The following PTPRO variants were observed in gnomAD, a reference collection of about 807,000 sequenced individuals.
The protein encoded by PTPRO is protein tyrosine phosphatase receptor type O.
PTPRO carries 62 observed loss-of-function variants against 145.2 expected under a neutral mutation model. The observed-to-expected ratio is 0.43, with a 90% CI of 0.35 to 0.53. The LOEUF (loss-of-function observed/expected upper bound fraction) is 0.53, where lower values mean the gene tolerates loss of function less well. Among genes scored for constraint, PTPRO ranks in the 20% least tolerant of loss-of-function variants. The probability of loss-of-function intolerance (pLI) is 0.01; values close to 1 mark genes in which losing one functional copy is unlikely to be tolerated. For missense variants in PTPRO, 1,345 were observed against 1,482.7 expected (o/e 0.91, Z 1.53); for synonymous variants, 565 against 514.7 (o/e 1.10, Z -1.32).
intron 15 of PTPRO, among the ~76,000 whole-genome samples, chr12:15,552,795 C>CTTTTTTTTTTTTTTTTTTTTTTT (rs747379253): frequency 1.1e-5 from 1 of 91,548 alleles, no homozygotes. Flanking sequence ...GAGGTCAAAT[C>CTTTTTTTTTTTTTTTTTTTTTTT]TTTTTTTTTT....
At chr12:15,462,231 T>G (rs935634175) in intron 1 of PTPRO, among the ~76,000 whole-genome samples, 2 of 152,172 alleles carry the variant, frequency 1.3e-5, no homozygotes, top group African/African-American at 4.8e-5. Context: ...TTCAAGTGGT[T>G]CTCCTGCCTC....
chr12:15,334,009 T>G (rs1866685038), intron 1 of PTPRO, among the ~76,000 whole-genome samples: 1 of 152,204 alleles, frequency 6.6e-6, no homozygotes, highest in African/African-American at 2.4e-5. Flanking sequence ...TTATCTTGGC[T>G]CTACGGTTTG....
At chr12:15,515,997 T>G (rs1202822807) in intron 8 of PTPRO, among the ~76,000 whole-genome samples, 17 of 140,188 alleles carry the variant, frequency 1.2e-4, no homozygotes, top group African/African-American at 2.4e-4. Flanking sequence ...GTTTTGTTTT[T>G]TTTTTTTTTT....
chr12:15,385,406 G>A (rs1007600366), intron 1 of PTPRO, among the ~76,000 whole-genome samples: 2 of 152,140 alleles, frequency 1.3e-5, no homozygotes, highest in African/African-American at 2.4e-5. Context: ...TCGGACTGGA[G>A]ATCAAGTCAT....
At chr12:15,350,103 T>C (rs1003243384) in intron 1 of PTPRO, among the ~76,000 whole-genome samples, 1 of 152,218 alleles carries the variant, frequency 6.6e-6, no homozygotes, top group African/African-American at 2.4e-5. Flanking sequence ...TTTCATGGTC[T>C]GGAACCCTTC....
intron 7 of PTPRO, among the ~76,000 whole-genome samples, chr12:15,513,112 G>GAAAGAAAGAAAGAAGAAAGAAAGAAAGA (rs1565675360): frequency 1.1e-4 from 1 of 8,964 alleles, no homozygotes; most frequent in African/African-American, 2.3e-4. Context: ...AGAAAGAAAG[G>GAAAGAAAGAAAGAAGAAAGAAAGAAAGA]AAGGAAGGAA....
At chr12:15,327,215 A>G (rs887706991) in intron 1 of PTPRO, among the ~76,000 whole-genome samples, 5 of 152,234 alleles carry the variant, frequency 3.3e-5, no homozygotes, top group African/African-American at 1.2e-4. Flanking sequence ...TATTAAAACC[A>G]TAAATTAAAA....
rs11056472 is a variant in PTPRO at position 15,422,608 on chromosome 12, A to G, written c.76-61366A>G. Among the ~76,000 whole-genome samples the G allele has an allele frequency of 0.012, 1,903 of 152,274 alleles. 111 individuals are homozygous for G. The East Asian group carries it at 0.18, about 15-fold the overall frequency. On this transcript the variant is annotated intron_variant, in intron 1 of 26. Coordinates refer to ENST00000281171, the MANE Select transcript of PTPRO (RefSeq NM_030667.3). ...GTTCTCATTTTTCACAGAGGAAATT[A>G]GGGTTTAGATAGATAGGGGACTTGT...
At chr12:15,493,297 A>G (rs1942036049) in intron 2 of PTPRO, among the ~76,000 whole-genome samples, 1 of 151,970 alleles carries the variant, frequency 6.6e-6, no homozygotes, top group Non-Finnish European at 1.5e-5. Flanking sequence ...AAATCTTCTA[A>G]TATACAAACC....
At chr12:15,337,224 T>A (rs1482771992) in intron 1 of PTPRO, among the ~76,000 whole-genome samples, 2 of 152,120 alleles carry the variant, frequency 1.3e-5, no homozygotes, top group Non-Finnish European at 2.9e-5. Flanking sequence ...GATGATCTCA[T>A]TCCTCAGACT....
chr12:15,498,515 A>G (rs1460836565), intron 3 of PTPRO, among the ~76,000 whole-genome samples: 1 of 152,184 alleles, frequency 6.6e-6, no homozygotes, highest in Non-Finnish European at 1.5e-5. Context: ...CCTAAATCAC[A>G]TGACTGCACT....
At chr12:15,405,099 T>A (rs371777350) in intron 1 of PTPRO, among the ~76,000 whole-genome samples, 38 of 152,306 alleles carry the variant, frequency 2.5e-4, no homozygotes, top group African/African-American at 9.1e-4. Flanking sequence ...CCTCCAAATA[T>A]CATCACATGG....
chr12:15,587,179 A>C (rs1565447942), intron 24 of PTPRO, 128 bp downstream of exon 24: 1 of 1,041,336 alleles, frequency 9.6e-7, no homozygotes, highest in Middle Eastern at 2.9e-4. Flanking sequence ...TTTTTAAACT[A>C]TGATTAATTG....
In PTPRO at chr12:15,322,821, C is replaced by G. The variant is rs1866336582; in HGVS notation, c.75+20C>G. The G allele has an allele frequency of 6.2e-7, 1 of 1,608,602 alleles. No individual in the cohort carries two copies. The highest frequency in any genetic ancestry group is 1.1e-5 in the South Asian group (1 of 90,594). On this transcript the variant is annotated intron_variant, in intron 1 of 26. Coordinates refer to ENST00000281171, the MANE Select transcript of PTPRO (RefSeq NM_030667.3). The surrounding 1 kb of genome is among the most constrained non-coding windows in gnomAD (Gnocchi z 6.3). ...TTCAAGGTAGGGGAGCTCCTCCACC[C>G]CTTTTTCCCAGCGGTCCGGGCGGCA...
At chr12:15,345,482 A>G (rs988532163) in intron 1 of PTPRO, among the ~76,000 whole-genome samples, 33 of 152,154 alleles carry the variant, frequency 2.2e-4, no homozygotes, top group African/African-American at 8.0e-4. Flanking sequence ...GCTGGAAACC[A>G]TCATTCTCAA....
At chr12:15,497,515 T>A in intron 3 of PTPRO, 112 bp downstream of exon 3, 1 of 1,143,300 alleles carries the variant, frequency 8.7e-7, no homozygotes, top group Non-Finnish European at 1.3e-6. Flanking sequence ...CTATTTGACC[T>A]ATAAATGAGC....
At chr12:15,586,523 A>G (rs1452732747) in intron 23 of PTPRO, among the ~76,000 whole-genome samples, 1 of 152,202 alleles carries the variant, frequency 6.6e-6, no homozygotes, top group African/African-American at 2.4e-5. Flanking sequence ...GCAACTGGGA[A>G]AAGTGTGTCC....
chr12:15,429,665 G>A (rs957761400), intron 1 of PTPRO, among the ~76,000 whole-genome samples: 1 of 152,098 alleles, frequency 6.6e-6, no homozygotes, highest in Non-Finnish European at 1.5e-5. Flanking sequence ...TCAAATGCAG[G>A]CCACATACAG....
At chr12:15,566,120 T>C (rs976486275) in intron 18 of PTPRO, among the ~76,000 whole-genome samples, 1 of 152,224 alleles carries the variant, frequency 6.6e-6, no homozygotes, top group African/African-American at 2.4e-5. Flanking sequence ...GTTTTCCTTA[T>C]CTATTAAACC....
Sources: gnomAD v4.1 joint callset for allele counts (sites outside exome capture counted in the v4.1 genomes callset) on GRCh38, gnomAD v4.1.1 for gene constraint, Gnocchi (gnomAD v3.1) non-coding constraint, MANE v1.5 for transcripts, NCBI Gene and HGNC (gene_info 2026-07-23, HGNC 2026-07-21) for gene names.